GPR39: variants seen among roughly 807,000 people sequenced by gnomAD.
GPR39 encodes the protein G protein-coupled receptor 39.
In GPR39, 23 loss-of-function variants were observed where a neutral mutation model predicts 18.4. The ratio of observed to expected loss-of-function variants is 1.25; its 90% CI spans 0.90 to 1.77. GPR39 has a LOEUF of 1.77. GPR39 is among the 40% of genes most tolerant of loss of function. GPR39 has a pLI of 0.00. For missense variants in GPR39, 647 were observed against 602.4 expected, an observed-to-expected ratio of 1.07 and a Z score of -0.78; for synonymous variants, 280 against 257.9, an observed-to-expected ratio of 1.09 and a Z score of -0.82.
chr2:132,509,364 G>A (rs7600219), intron 1 of GPR39, among the ~76,000 whole-genome samples: 126,895 of 152,074 alleles, frequency 0.83, 53,556 homozygotes, highest in Middle Eastern at 0.9. Context: ...TATAACCCAA[G>A]GATAACCACT....
chr2:132,487,730 A>G (rs1038064236), intron 1 of GPR39, among the ~76,000 whole-genome samples: 1 of 152,202 alleles, frequency 6.6e-6, no homozygotes, highest in Non-Finnish European at 1.5e-5. Flanking sequence ...AGGAAAGTAT[A>G]CATAATGCAA....
chr2:132,644,824 A>T (rs929616785), intron 1 of GPR39: 7 of 394,398 alleles, frequency 1.8e-5, no homozygotes, highest in South Asian at 5.9e-5. Flanking sequence ...ACATTTTTTT[A>T]AAATTAACAG....
At chr2:132,444,319 G>A (rs182352492) in intron 1 of GPR39, among the ~76,000 whole-genome samples, 1 of 151,830 alleles carries the variant, frequency 6.6e-6, no homozygotes, top group Admixed American at 6.6e-5. Flanking sequence ...TAAAGACAGG[G>A]TCTCACTCTT....
At chr2:132,436,126 T>C (rs1309747739) in intron 1 of GPR39, among the ~76,000 whole-genome samples, 1 of 147,504 alleles carries the variant, frequency 6.8e-6, no homozygotes, top group Non-Finnish European at 1.5e-5. Flanking sequence ...CCTTTGACCT[T>C]TGTCCTGTGA....
At chr2:132,462,978 A>G (rs1680860930) in intron 1 of GPR39, among the ~76,000 whole-genome samples, 1 of 152,226 alleles carries the variant, frequency 6.6e-6, no homozygotes, top group Admixed American at 6.5e-5. Context: ...AGGTAAACTT[A>G]CCACAAGCAT....
chr2:132,424,058 C>T (rs1376698443), intron 1 of GPR39, among the ~76,000 whole-genome samples: 2 of 152,108 alleles, frequency 1.3e-5, no homozygotes, highest in Non-Finnish European at 2.9e-5. Context: ...GAAGTCAAAC[C>T]AACATGCAAA....
chr2:132,567,779 A>C (rs567415497), intron 1 of GPR39, among the ~76,000 whole-genome samples: 38 of 152,178 alleles, frequency 2.5e-4, no homozygotes, highest in African/African-American at 9.2e-4. Context: ...GTTCTTTAAA[A>C]ACTACTGATA....
intron 1 of GPR39, among the ~76,000 whole-genome samples, chr2:132,472,669 A>G (rs1558808394): frequency 2.0e-5 from 3 of 152,188 alleles, no homozygotes; most frequent in South Asian, 4.1e-4. Flanking sequence ...TGACCTGACC[A>G]TGAACTTACT....
chr2:132,462,741 A>G (rs1680857488), intron 1 of GPR39, among the ~76,000 whole-genome samples: 1 of 152,064 alleles, frequency 6.6e-6, no homozygotes, highest in Non-Finnish European at 1.5e-5. Flanking sequence ...GGCATTAGAC[A>G]AATCACTTCA....
intron 1 of GPR39, among the ~76,000 whole-genome samples, chr2:132,602,962 GA>G (rs781449583): frequency 6.6e-6 from 1 of 150,872 alleles, no homozygotes; most frequent in Non-Finnish European, 1.5e-5. Flanking sequence ...ACAGCTATAT[GA>G]AAAACAGTAT....
intron 1 of GPR39, among the ~76,000 whole-genome samples, chr2:132,435,961 T>A (rs576702370): frequency 6.6e-6 from 1 of 152,344 alleles, no homozygotes; most frequent in East Asian, 1.9e-4. Context: ...AAGTTCGTTT[T>A]CAGAAAGCAA....
At chr2:132,595,339 G>A (rs1049809591) in intron 1 of GPR39, among the ~76,000 whole-genome samples, 6 of 151,008 alleles carry the variant, frequency 4.0e-5, no homozygotes, top group Middle Eastern at 3.4e-3. Context: ...CCAGGTGGGC[G>A]GTAATACTTG....
chr2:132,591,317 G>A (rs1333277753), intron 1 of GPR39, among the ~76,000 whole-genome samples: 1 of 150,840 alleles, frequency 6.6e-6, no homozygotes, highest in African/African-American at 2.4e-5. Flanking sequence ...TAGACCAGCG[G>A]AGTCTTCTGG....
At chr2:132,595,315 A>G (rs1427687657) in intron 1 of GPR39, among the ~76,000 whole-genome samples, 1 of 152,002 alleles carries the variant, frequency 6.6e-6, no homozygotes, top group Non-Finnish European at 1.5e-5. Context: ...TTTTCAGAAT[A>G]ACATTAGGAC....
chr2:132,540,345 A>G (rs1048661669), intron 1 of GPR39, among the ~76,000 whole-genome samples: 1 of 152,126 alleles, frequency 6.6e-6, no homozygotes, highest in African/African-American at 2.4e-5. Context: ...AGGGGAGGAG[A>G]GGAGGCACTC....
intron 1 of GPR39, among the ~76,000 whole-genome samples, chr2:132,437,785 A>C (rs1428636204): frequency 6.6e-6 from 1 of 152,154 alleles, no homozygotes; most frequent in Non-Finnish European, 1.5e-5. Flanking sequence ...GAAGGCTGAC[A>C]TGTCAAGGGA....
chr2:132,570,528 C>T (rs1247010482), intron 1 of GPR39, among the ~76,000 whole-genome samples: 4 of 152,192 alleles, frequency 2.6e-5, no homozygotes, highest in Non-Finnish European at 5.9e-5. Context: ...AACCTCCAGT[C>T]TCATTCTCAG....
At chr2:132,588,351 A>G (rs1306806570) in intron 1 of GPR39, among the ~76,000 whole-genome samples, 1 of 152,174 alleles carries the variant, frequency 6.6e-6, no homozygotes, top group Non-Finnish European at 1.5e-5. Flanking sequence ...TTATTGCAAG[A>G]TAAACTATCC....
chr2:132,424,711 G>A (rs1680079400), intron 1 of GPR39, among the ~76,000 whole-genome samples: 1 of 152,206 alleles, frequency 6.6e-6, no homozygotes, highest in Non-Finnish European at 1.5e-5. Flanking sequence ...TGGATTTCTA[G>A]TGCTGCCCCT....
Sources: gnomAD v4.1 joint callset for allele counts (sites outside exome capture counted in the v4.1 genomes callset) on GRCh38, gnomAD v4.1.1 for gene constraint, MANE v1.5 for transcripts, NCBI Gene and HGNC (gene_info 2026-07-23, HGNC 2026-07-21) for gene names.